PSMB1: variants seen among roughly 807,000 people sequenced by gnomAD.
PSMB1 encodes proteasome 20S subunit beta 1, also known as proteasome subunit beta type-1.
Under a neutral mutation model 25.4 loss-of-function variants are expected in PSMB1, and 7 were observed. The ratio of observed to expected loss-of-function variants is 0.28; its 90% CI spans 0.16 to 0.52. The LOEUF (loss-of-function observed/expected upper bound fraction) is 0.52. Ranked by LOEUF, PSMB1 falls within the 20% of genes least tolerant of loss-of-function variation. The probability of loss-of-function intolerance (pLI) is 0.97; values close to 1 mark genes in which losing one functional copy is unlikely to be tolerated. For synonymous variants in PSMB1, 119 were observed against 115.0 expected, an observed-to-expected ratio of 1.03 and a Z score of -0.22; for missense variants, 284 against 302.2, an observed-to-expected ratio of 0.94 and a Z score of 0.45.
chr6:170,540,138 G>A (rs1240648549), intron 4 of PSMB1, among the ~76,000 whole-genome samples: 1 of 152,202 alleles, frequency 6.6e-6, no homozygotes, highest in Admixed American at 6.5e-5. Flanking sequence ...AGAGAGGTTA[G>A]TGCAGACAGC....
At chr6:170,541,320 T>C (rs1778756847) in intron 4 of PSMB1, among the ~76,000 whole-genome samples, 1 of 151,728 alleles carries the variant, frequency 6.6e-6, no homozygotes, top group African/African-American at 2.4e-5. Context: ...AAGAAAAAAA[T>C]AAAAACGAGT....
At chr6:170,542,337 GA>G (rs1006296031) in intron 4 of PSMB1, among the ~76,000 whole-genome samples, 120 of 152,088 alleles carry the variant, frequency 7.9e-4, no homozygotes, top group African/African-American at 2.0e-3. Flanking sequence ...AATGAAGCTT[GA>G]CCCTTTCCTC....
At chr6:170,536,381 A>G in intron 5 of PSMB1, 2 of 449,640 alleles carry the variant, frequency 4.4e-6, no homozygotes, top group Admixed American at 2.5e-5. Context: ...GTTTAGTGCG[A>G]TTATTATAAA....
Position 170,543,693 on chromosome 6 carries a change from C to G in PSMB1, c.341G>C (p.Gly114Ala), listed in dbSNP as rs748070247. 91 of 1,611,870 alleles carry G rather than the reference C, an allele frequency of 5.6e-5. No homozygotes were observed. Among genetic ancestry groups the G allele is most frequent in the Non-Finnish European group, 7.3e-5 (86 of 1,178,678 alleles). ...TGTAGACAGCATTGCAGCAATTGCCCCCGTAGTCATGGCCTTATTATTGGA... is the reference window on the plus strand; with the variant it reads ...TGTAGACAGCATTGCAGCAATTGCCGCCGTAGTCATGGCCTTATTATTGGA... ...KHSNNKAMTT[G>A]AIAAMLSTIL... The change falls in exon 4 of 6, where the codon GGG (glycine) becomes GCG (alanine). Residue 114 changes from glycine (G) to alanine (A), a missense_variant. Physicochemically the swap from Gly to Ala is moderately conservative, Grantham distance 60. Coordinates refer to ENST00000262193, the MANE Select transcript of PSMB1 (RefSeq NM_002793.4).
chr6:170,546,227 A>G (rs753063972), intron 2 of PSMB1, 43 bp from the exon 3 acceptor site: 1 of 1,480,224 alleles, frequency 6.8e-7, no homozygotes, highest in Non-Finnish European at 9.4e-7. Context: ...GTTAGATAGT[A>G]GAGCAAAACA....
In PSMB1 at chr6:170,553,211, G is replaced by A; in HGVS notation, c.32C>T (p.Pro11Leu). 5.6e-6 allele frequency: 9 copies of A among 1,613,782 alleles called. No homozygotes were observed. The highest frequency in any genetic ancestry group is 3.3e-5 in the South Asian group (3 of 90,970). The change falls in exon 1 of 6, where the codon CCT (proline) becomes CTT (leucine). Residue 11 changes from proline (P) to leucine (L), a missense_variant. Coordinates refer to ENST00000262193, the MANE Select transcript of PSMB1 (RefSeq NM_002793.4). ...CGGTTCCATCCCCAAGTCTCTGCCAGGAGCCGAATACATGGCTGTAGAGGA... is the reference window on the plus strand; with the variant it reads ...CGGTTCCATCCCCAAGTCTCTGCCAAGAGCCGAATACATGGCTGTAGAGGA... Reference protein sequence around the residue: MLSSTAMYSAPGRDLGMEPHR... With the variant: MLSSTAMYSALGRDLGMEPHR...
rs150022208 is a variant in PSMB1, at chr6:170,543,691, C to T, written c.343G>A (p.Ala115Thr). The T allele has an allele frequency of 4.3e-6, 7 of 1,611,728 alleles. No individual in the cohort carries two copies. The African/African-American group carries it at 6.7e-5, about 15-fold the overall frequency. ...ATTGTAGACAGCATTGCAGCAATTG[C>T]CCCCGTAGTCATGGCCTTATTATTG... ...HSNNKAMTTGAIAAMLSTILY... is the reference protein window; with the variant it reads ...HSNNKAMTTGTIAAMLSTILY... Residue 115 changes from alanine to threonine, a missense_variant, in exon 4 of 6, where the codon GCA (alanine) becomes ACA (threonine). Ala to Thr is a moderately conservative substitution (Grantham distance 58). Coordinates refer to ENST00000262193, the MANE Select transcript of PSMB1 (RefSeq NM_002793.4).
intron 3 of PSMB1, among the ~76,000 whole-genome samples, chr6:170,545,347 A>C (rs985685645): frequency 6.6e-6 from 1 of 152,210 alleles, no homozygotes; most frequent in African/African-American, 2.4e-5. Flanking sequence ...ATTAGGAATT[A>C]TCATATAAAT....
At chr6:170,552,892 C>T (rs1020824352) in intron 1 of PSMB1, among the ~76,000 whole-genome samples, 2 of 152,180 alleles carry the variant, frequency 1.3e-5, no homozygotes, top group Non-Finnish European at 2.9e-5. Context: ...AATGGGAAAC[C>T]CTAAAAACCA....
chr6:170,536,591 A>G (rs985566836), intron 5 of PSMB1: 10 of 427,298 alleles, frequency 2.3e-5, no homozygotes, highest in African/African-American at 1.8e-4. Context: ...TTACAGTATC[A>G]ACAAATACAG....
intron 5 of PSMB1, among the ~76,000 whole-genome samples, chr6:170,536,679 C>T (rs1387658141): frequency 1.3e-5 from 2 of 152,162 alleles, no homozygotes; most frequent in Admixed American, 6.5e-5. Flanking sequence ...CATAAGAATA[C>T]AGCACATAAT....
At chr6:170,545,276 C>A (rs1193238573) in intron 3 of PSMB1, among the ~76,000 whole-genome samples, 1 of 152,098 alleles carries the variant, frequency 6.6e-6, no homozygotes, top group Non-Finnish European at 1.5e-5. Context: ...TTCACCATTC[C>A]TTGTTTTATT....
At position 170,553,298 on chromosome 6, in the gene PSMB1, T is replaced by G. The variant is rs1321394514; in HGVS notation, c.-56A>C. 7.4e-7 allele frequency: 1 copy of G among 1,342,614 alleles called. No homozygotes were observed. The highest frequency in any genetic ancestry group is 1.0e-6 in the Non-Finnish European group (1 of 954,588). 83.2% of individuals were successfully genotyped at this position (1,342,614 alleles called of 1,614,324 possible). ...GCTGTCTCACGGCGAGATGGCTGCC[T>G]TGACCGGACGTTACGCCACTTCCGG... On this transcript the variant is annotated 5_prime_UTR_variant, in exon 1 of 6. Transcript: ENST00000262193.
At chr6:170,536,036 T>C (rs1778686459) in intron 5 of PSMB1, among the ~76,000 whole-genome samples, 1 of 152,134 alleles carries the variant, frequency 6.6e-6, no homozygotes, top group South Asian at 2.1e-4. Context: ...AATCTAATAA[T>C]GTAGGTCTGA....
At chr6:170,544,040 ATCTC>A (rs1029262909) in intron 3 of PSMB1, among the ~76,000 whole-genome samples, 5 of 152,082 alleles carry the variant, frequency 3.3e-5, no homozygotes, top group Non-Finnish European at 7.4e-5. Context: ...GTTTAAATCC[ATCTC>A]TCTCCCTCAC....
intron 5 of PSMB1, 80 bp from the exon 6 acceptor site, chr6:170,535,485 CAT>C: frequency 8.3e-7 from 1 of 1,206,716 alleles, no homozygotes; most frequent in Non-Finnish European, 1.2e-6. Context: ...CCAATACCCT[CAT>C]GTGTACGAGG....
At chr6:170,537,763 T>G (rs1306917668) in intron 4 of PSMB1, among the ~76,000 whole-genome samples, 3 of 152,070 alleles carry the variant, frequency 2.0e-5, no homozygotes, top group Non-Finnish European at 4.4e-5. Flanking sequence ...TACACAAAAA[T>G]AATCCAAGCC....
At position 170,535,299 on chromosome 6, in the gene PSMB1, T is replaced by C; in HGVS notation, c.647A>G (p.Tyr216Cys). 1.9e-6 allele frequency: 3 copies of C among 1,614,134 alleles called. No homozygotes were observed. Among genetic ancestry groups the C allele is most frequent in the Middle Eastern group, 1.6e-4 (1 of 6,062 alleles). Residue 216 changes from tyrosine (Y) to cysteine (C), a missense_variant, in exon 6 of 6, where the codon TAC becomes TGC. Coordinates refer to ENST00000262193, the MANE Select transcript of PSMB1 (RefSeq NM_002793.4). ...GCAGATCCGGAGTGCGTCCCCAGTG[T>C]ACACATCTCTCTCAGCCGCAGAAAT... ...VFISAAERDV[Y>C]TGDALRICIV...
At chr6:170,543,828 A>C in intron 3 of PSMB1, 98 bp from the exon 4 acceptor site, 1 of 1,162,660 alleles carries the variant, frequency 8.6e-7, no homozygotes, top group Admixed American at 2.7e-5. Context: ...TGCATACCAC[A>C]GTGGAAGGGG....
Sources: gnomAD v4.1 joint callset for allele counts (sites outside exome capture counted in the v4.1 genomes callset) on GRCh38, gnomAD v4.1.1 for gene constraint, MANE v1.5 for transcripts, NCBI Gene and HGNC (gene_info 2026-07-23, HGNC 2026-07-21) for gene names.